The following HS3ST2 variants were observed in gnomAD, a reference collection of about 807,000 sequenced individuals.
HS3ST2 encodes heparan sulfate-glucosamine 3-sulfotransferase 2.
A neutral mutation model predicts 26.3 loss-of-function variants in HS3ST2; 17 were observed. The observed-to-expected ratio is 0.65, with a 90% CI of 0.44 to 0.97. The LOEUF (loss-of-function observed/expected upper bound fraction) is 0.97, where lower values mean the gene tolerates loss of function less well. HS3ST2 is among the 50% of genes least tolerant of loss of function. The pLI is 0.00. For synonymous variants in HS3ST2, 237 were observed against 219.2 expected, an observed-to-expected ratio of 1.08 and a Z score of -0.72; for missense variants, 402 against 501.2, an observed-to-expected ratio of 0.80 and a Z score of 1.89.
At position 22,814,575 on chromosome 16, in the gene HS3ST2, C is replaced by T; in HGVS notation, c.-36C>T. On this transcript the variant is annotated 5_prime_UTR_variant, in exon 1 of 2. Transcript: ENST00000261374. ...AGCAGCTCAGCCGCCGGTGCCCCCT[C>T]GGAAACCATGACCCCCGGCGCGGGC... 1 of 1,485,156 alleles carries T rather than the reference C, an allele frequency of 6.7e-7. No homozygotes were observed. The highest frequency in any genetic ancestry group is 8.9e-7 in the Non-Finnish European group (1 of 1,123,396). The allele number at this position is 1,485,156 out of a possible 1,614,324, so 92.0% of individuals were successfully genotyped here.
chr16:22,825,975 A>C (rs1274905397), intron 1 of HS3ST2, among the ~76,000 whole-genome samples: 2 of 152,168 alleles, frequency 1.3e-5, no homozygotes, highest in Admixed American at 6.5e-5. Flanking sequence ...GTGAGCCGAA[A>C]TCATGCTGCT....
At chr16:22,869,943 T>C (rs1275937201) in intron 1 of HS3ST2, among the ~76,000 whole-genome samples, 1 of 152,134 alleles carries the variant, frequency 6.6e-6, no homozygotes. Context: ...TTGAGAAAAT[T>C]GGATGGAAAT....
At chr16:22,882,337 G>A (rs1367177613) in intron 1 of HS3ST2, among the ~76,000 whole-genome samples, 1 of 152,106 alleles carries the variant, frequency 6.6e-6, no homozygotes, top group African/African-American at 2.4e-5. Flanking sequence ...ACTCCAGTCT[G>A]GGCAACACAG....
At chr16:22,893,609 CTTTTCTT>C (rs1902160740) in intron 1 of HS3ST2, among the ~76,000 whole-genome samples, 1 of 122,526 alleles carries the variant, frequency 8.2e-6, no homozygotes, top group South Asian at 2.9e-4. Context: ...GATTTGGCAG[CTTTTCTT>C]TTTTCTTTTT....
intron 1 of HS3ST2, among the ~76,000 whole-genome samples, chr16:22,839,569 A>C (rs2141181348): frequency 6.6e-6 from 1 of 152,208 alleles, no homozygotes; most frequent in East Asian, 1.9e-4. Context: ...TTTCCTGGGT[A>C]GCAGTAACTT....
rs145733708 is a variant in HS3ST2 at position 22,876,571 on chromosome 16, G to A, written c.486-38373G>A. On this transcript the variant is annotated intron_variant, in intron 1 of 1. Transcript: ENST00000261374. ...GTCAACGACACCACTATGGAAAACC[G>A]TGTGGAGATTCCTTAAAGAACTAGA... 2.1e-3 allele frequency among the ~76,000 whole-genome samples: 322 copies of A among 152,254 alleles called. 1 individual carries two copies. Among genetic ancestry groups the A allele is most frequent in the African/African-American group, 7.3e-3 (304 of 41,552 alleles).
intron 1 of HS3ST2, among the ~76,000 whole-genome samples, chr16:22,845,730 A>G (rs1901422277): frequency 6.6e-6 from 1 of 152,212 alleles, no homozygotes; most frequent in Admixed American, 6.5e-5. Flanking sequence ...AGTCCTCATA[A>G]TGTCTCTTTC....
chr16:22,822,536 C>G lies in HS3ST2; in HGVS notation c.485+7441C>G, dbSNP rs564598735. On this transcript the variant is annotated intron_variant, in intron 1 of 1. Transcript: ENST00000261374. Reference sequence around the variant, plus strand: ...TTTATCACAAAGAACAAGTTTTCCCCTTCAGTTTATATATTTTAGAATAGA... The same window carrying G: ...TTTATCACAAAGAACAAGTTTTCCCGTTCAGTTTATATATTTTAGAATAGA... Among the ~76,000 whole-genome samples, 5 of 152,214 alleles carry G rather than the reference C, an allele frequency of 3.3e-5. No individual in the cohort carries two copies. The East Asian group carries it at 9.6e-4, about 29-fold the overall frequency.
chr16:22,870,494 T>A (rs567674163), intron 1 of HS3ST2, among the ~76,000 whole-genome samples: 1 of 152,278 alleles, frequency 6.6e-6, no homozygotes, highest in Admixed American at 6.5e-5. Context: ...TCTCATCTCA[T>A]TCAGAGTAAA....
intron 1 of HS3ST2, among the ~76,000 whole-genome samples, chr16:22,913,673 A>C (rs1476990596): frequency 6.6e-6 from 1 of 152,228 alleles, no homozygotes; most frequent in Non-Finnish European, 1.5e-5. Context: ...AAATGCATTA[A>C]AATTTTCAAG....
intron 1 of HS3ST2, among the ~76,000 whole-genome samples, chr16:22,894,769 G>T (rs529414127): frequency 6.6e-6 from 1 of 151,092 alleles, no homozygotes; most frequent in Non-Finnish European, 1.5e-5. Flanking sequence ...GGAGGCTGTC[G>T]TGCGCCGTGA....
chr16:22,896,479 C>G (rs955482130), intron 1 of HS3ST2, among the ~76,000 whole-genome samples: 22 of 152,166 alleles, frequency 1.4e-4, no homozygotes, highest in Admixed American at 1.4e-3. Context: ...CCAATTTGTT[C>G]TGGGTTTCTT....
At chr16:22,867,971 T>G (rs1291032549) in intron 1 of HS3ST2, among the ~76,000 whole-genome samples, 2 of 152,230 alleles carry the variant, frequency 1.3e-5, no homozygotes, top group Non-Finnish European at 2.9e-5. Flanking sequence ...TGTAAACAAC[T>G]AATACAGAAT....
chr16:22,876,421 A>G (rs1901917967), intron 1 of HS3ST2, among the ~76,000 whole-genome samples: 1 of 152,252 alleles, frequency 6.6e-6, no homozygotes, highest in Admixed American at 6.5e-5. Context: ...CTTCTGCAAG[A>G]ATAGCCATCA....
chr16:22,914,134 C>G (rs978224864), intron 1 of HS3ST2, among the ~76,000 whole-genome samples: 1 of 151,682 alleles, frequency 6.6e-6, no homozygotes, highest in African/African-American at 2.4e-5. Flanking sequence ...GAAGTGAGAC[C>G]CTGTCTCTTA....
Position 22,814,981 on chromosome 16 carries a change from A to AG in HS3ST2, c.377dup (p.Thr127HisfsTer25). Reference sequence around the variant, plus strand: ...CAAGCCCTCATTGTGGGCGTGAAGAAGGGGGGCACCCGGGCCGTGCTGGAG... The same window carrying AG: ...CAAGCCCTCATTGTGGGCGTGAAGAAGGGGGGGCACCCGGGCCGTGCTGGAG... On this transcript the variant is annotated frameshift_variant, in exon 1 of 2. Transcript: ENST00000261374. LOFTEE classifies it high-confidence loss of function. 1 of 1,612,922 alleles carries AG rather than the reference A, an allele frequency of 6.2e-7. No homozygotes were observed. The highest frequency in any genetic ancestry group is 8.5e-7 in the Non-Finnish European group (1 of 1,179,920).
intron 1 of HS3ST2, among the ~76,000 whole-genome samples, chr16:22,834,428 T>G (rs1045860353): frequency 3.9e-5 from 6 of 152,146 alleles, no homozygotes; most frequent in African/African-American, 1.4e-4. Flanking sequence ...TGCAGGTATC[T>G]CTCCATGCCA....
At chr16:22,837,426 C>T (rs542281643) in intron 1 of HS3ST2, among the ~76,000 whole-genome samples, 2 of 151,358 alleles carry the variant, frequency 1.3e-5, no homozygotes, top group African/African-American at 2.4e-5. Flanking sequence ...CCCAGATCCC[C>T]AGTGGATGCC....
At chr16:22,826,912 A>G (rs1282733541) in intron 1 of HS3ST2, among the ~76,000 whole-genome samples, 2 of 152,214 alleles carry the variant, frequency 1.3e-5, no homozygotes, top group East Asian at 3.9e-4. Flanking sequence ...ACTTTTCTAC[A>G]GGGTAGGAAG....
Sources: gnomAD v4.1 joint callset for allele counts (sites outside exome capture counted in the v4.1 genomes callset) on GRCh38, gnomAD v4.1.1 for gene constraint, MANE v1.5 for transcripts, NCBI Gene and HGNC (gene_info 2026-07-23, HGNC 2026-07-21) for gene names.